The following AUTS2 variants were observed in gnomAD, a reference collection of about 807,000 sequenced individuals.
The protein encoded by AUTS2 is autism susceptibility gene 2 protein.
AUTS2 carries 17 observed loss-of-function variants against 112.4 expected under a neutral mutation model. The ratio of observed to expected loss-of-function variants is 0.15; its 90% CI spans 0.10 to 0.23. AUTS2 has a LOEUF of 0.23. AUTS2 is among the 10% of genes least tolerant of loss of function. The pLI, the probability that AUTS2 is intolerant of heterozygous loss-of-function variation, is 1.00. For synonymous variants in AUTS2, 751 were observed against 702.7 expected, an observed-to-expected ratio of 1.07 and a Z score of -1.09; for missense variants, 1,510 against 1,701.6, an observed-to-expected ratio of 0.89 and a Z score of 1.98.
At chr7:70,044,463 A>T (rs1801411398) in intron 2 of AUTS2, among the ~76,000 whole-genome samples, 1 of 152,074 alleles carries the variant, frequency 6.6e-6, no homozygotes, top group Non-Finnish European at 1.5e-5. Context: ...GATGGGTATC[A>T]CTAACAGTCA....
At chr7:70,562,649 C>A (rs1427163076) in intron 5 of AUTS2, among the ~76,000 whole-genome samples, 1 of 152,184 alleles carries the variant, frequency 6.6e-6, no homozygotes, top group Non-Finnish European at 1.5e-5. Flanking sequence ...CCCCTTATTT[C>A]TTTGTGTCCA....
At chr7:70,757,854 C>T (rs1330489614) in intron 6 of AUTS2, among the ~76,000 whole-genome samples, 3 of 107,696 alleles carry the variant, frequency 2.8e-5, no homozygotes, top group African/African-American at 1.2e-4. Context: ...CTTGCTCTGT[C>T]ACTCAGGCTT....
intron 2 of AUTS2, among the ~76,000 whole-genome samples, chr7:70,005,984 G>A (rs1035627295): frequency 1.3e-5 from 2 of 151,990 alleles, no homozygotes; most frequent in Admixed American, 6.6e-5. Flanking sequence ...CCTCTTTTCC[G>A]ACTTCATGAA....
At chr7:70,672,969 A>G (rs1453612393) in intron 5 of AUTS2, among the ~76,000 whole-genome samples, 1 of 152,232 alleles carries the variant, frequency 6.6e-6, no homozygotes, top group African/African-American at 2.4e-5. Flanking sequence ...CAGCATTCAT[A>G]GAAGAATAAG....
At chr7:70,581,322 GTTGTGGTGAGCCGAGA>G (rs1563055326) in intron 5 of AUTS2, among the ~76,000 whole-genome samples, 1 of 152,156 alleles carries the variant, frequency 6.6e-6, no homozygotes, top group East Asian at 1.9e-4. Context: ...GGAGGCGGAG[GTTGTGGTGAGCCGAGA>G]TTGCGCCATT....
intron 1 of AUTS2, among the ~76,000 whole-genome samples, chr7:69,668,188 A>C (rs575137345): frequency 6.6e-6 from 1 of 152,258 alleles, no homozygotes; most frequent in East Asian, 1.9e-4. Flanking sequence ...TGGTGATTAT[A>C]GTTTGACTTA....
intron 1 of AUTS2, among the ~76,000 whole-genome samples, chr7:69,840,290 C>G (rs1791918479): frequency 6.6e-6 from 1 of 152,118 alleles, no homozygotes; most frequent in Admixed American, 6.6e-5. Flanking sequence ...TGCTTTTGTT[C>G]AGATTAAGCT....
intron 5 of AUTS2, among the ~76,000 whole-genome samples, chr7:70,504,628 A>G (rs1798893788): frequency 6.6e-6 from 1 of 152,160 alleles, no homozygotes. Context: ...CTTGATTGGT[A>G]TCTTCTCCTT....
Position 70,428,917 on chromosome 7 carries a change from AACACAGAT to A in AUTS2, c.661-6832_661-6825del, listed in dbSNP as rs147888070. Among the ~76,000 whole-genome samples, 455 of 152,362 alleles carry A rather than the reference AACACAGAT, an allele frequency of 3.0e-3. 1 individual carries two copies. The highest frequency in any genetic ancestry group is 0.01 in the African/African-American group (428 of 41,588). ...ATTTCAATTTGGACCAGAGTCTTAA[AACACAGAT>A]ACCGAGATTCCCAAATGAAAATGAA... On this transcript the variant is annotated intron_variant, in intron 4 of 18. Coordinates refer to ENST00000342771, the MANE Select transcript of AUTS2 (RefSeq NM_015570.4).
chr7:69,618,995 G>A (rs1459452742), intron 1 of AUTS2, among the ~76,000 whole-genome samples: 2 of 152,160 alleles, frequency 1.3e-5, no homozygotes, highest in African/African-American at 4.8e-5. Context: ...TCCCCAAGGC[G>A]AGGATTCTAT....
intron 1 of AUTS2, among the ~76,000 whole-genome samples, chr7:69,714,931 C>T (rs945192886): frequency 6.6e-6 from 1 of 151,680 alleles, no homozygotes; most frequent in African/African-American, 2.4e-5. Context: ...TATGTTTACT[C>T]TTTTTATGTA....
chr7:70,188,960 G>A (rs1281081569), intron 4 of AUTS2, among the ~76,000 whole-genome samples: 1 of 152,002 alleles, frequency 6.6e-6, no homozygotes, highest in Non-Finnish European at 1.5e-5. Flanking sequence ...GAATGGAAAG[G>A]TACCAATAGG....
At chr7:70,096,622 A>G (rs1274110214) in intron 2 of AUTS2, among the ~76,000 whole-genome samples, 11 of 151,682 alleles carry the variant, frequency 7.3e-5, no homozygotes, top group Admixed American at 6.6e-4. Context: ...AAAAAGAAAA[A>G]AAAAGAAAAA....
At chr7:70,373,232 C>T (rs1242521114) in intron 4 of AUTS2, among the ~76,000 whole-genome samples, 1 of 151,532 alleles carries the variant, frequency 6.6e-6, no homozygotes, top group African/African-American at 2.4e-5. Flanking sequence ...ATGTGCTGTG[C>T]TGGATGTTAA....
chr7:70,276,244 A>G (rs994594522), intron 4 of AUTS2, among the ~76,000 whole-genome samples: 2 of 152,242 alleles, frequency 1.3e-5, no homozygotes, highest in African/African-American at 2.4e-5. Context: ...AAAATATTCA[A>G]CGATTTCTCA....
chr7:69,613,174 A>G (rs1463152817), intron 1 of AUTS2, among the ~76,000 whole-genome samples: 1 of 152,180 alleles, frequency 6.6e-6, no homozygotes, highest in Non-Finnish European at 1.5e-5. Context: ...TGGGCTCCTT[A>G]TCCCTTTACT....
At chr7:70,454,954 G>A (rs1381908368) in intron 5 of AUTS2, among the ~76,000 whole-genome samples, 2 of 152,204 alleles carry the variant, frequency 1.3e-5, no homozygotes, top group African/African-American at 4.8e-5. Context: ...CTGGACAGTA[G>A]GGCCCACTGC....
intron 4 of AUTS2, among the ~76,000 whole-genome samples, chr7:70,329,675 A>C (rs1790655346): frequency 6.7e-6 from 1 of 149,490 alleles, no homozygotes; most frequent in Admixed American, 6.8e-5. Flanking sequence ...TGGATACTAG[A>C]TACATATGAT....
intron 6 of AUTS2, among the ~76,000 whole-genome samples, chr7:70,729,951 C>T (rs1288803115): frequency 6.6e-6 from 1 of 152,198 alleles, no homozygotes; most frequent in African/African-American, 2.4e-5. Context: ...GGCGCAATCT[C>T]GGCTCACTGC....
Sources: gnomAD v4.1 joint callset for allele counts (sites outside exome capture counted in the v4.1 genomes callset) on GRCh38, gnomAD v4.1.1 for gene constraint, MANE v1.5 for transcripts, NCBI Gene and HGNC (gene_info 2026-07-23, HGNC 2026-07-21) for gene names.